DYTN: variants seen among roughly 807,000 people sequenced by gnomAD.
DYTN encodes the protein dystrotelin.
In DYTN, 75 loss-of-function variants were observed where a neutral mutation model predicts 69.6. The observed-to-expected ratio is 1.08, with a 90% CI of 0.89 to 1.31. The LOEUF (loss-of-function observed/expected upper bound fraction) is 1.31, where lower values mean the gene tolerates loss of function less well. Ranked by LOEUF, DYTN falls within the 50% of genes most tolerant of loss-of-function variation. The probability of loss-of-function intolerance (pLI) is 0.00; values close to 1 mark genes in which losing one functional copy is unlikely to be tolerated. For synonymous variants in DYTN, 252 were observed against 249.1 expected (o/e 1.01, Z -0.11); for missense variants, 726 against 688.4 (o/e 1.05, Z -0.61).
At chr2:206,711,899 G>A (rs941034511) in intron 1 of DYTN, among the ~76,000 whole-genome samples, 4 of 152,020 alleles carry the variant, frequency 2.6e-5, no homozygotes, top group African/African-American at 7.2e-5. Context: ...CTATAACAAC[G>A]TTACAACGGA....
chr2:206,670,670 T>G (rs565612219), intron 9 of DYTN: 1 of 152,348 alleles, frequency 6.6e-6, no homozygotes, highest in African/African-American at 2.4e-5. Context: ...ATTCAATCTA[T>G]TTCAAAAAGT....
chr2:206,682,004 C>A (rs569656825), intron 9 of DYTN, among the ~76,000 whole-genome samples: 14 of 152,092 alleles, frequency 9.2e-5, no homozygotes, highest in Non-Finnish European at 1.3e-4. Context: ...TCTGTCTGGT[C>A]CTGGACTTTT....
chr2:206,705,905 G>A, intron 3 of DYTN, 32 bp from the exon 4 acceptor site: 1 of 1,605,058 alleles, frequency 6.2e-7, no homozygotes, highest in Non-Finnish European at 8.5e-7. Context: ...AGACAAGAAT[G>A]GGAAGGCCAG....
In DYTN at chr2:206,699,865, TC is replaced by T; in HGVS notation, c.580del (p.Glu194LysfsTer51). 1 of 1,613,506 alleles carries T rather than the reference TC, an allele frequency of 6.2e-7. No homozygotes were observed. Among genetic ancestry groups the T allele is most frequent in the Non-Finnish European group, 8.5e-7 (1 of 1,179,718 alleles). ...QGVLSPAIKEEKFLSWVQSEP... is the reference protein window; with the variant it reads ...QGVLSPAIKEXKFLSWVQSEP... ...AGATTGGACCCAAGACAGGAATTTT[TC>T]TTCTTTGATTGCTGGGCTCAACACC... On this transcript the variant is annotated frameshift_variant, in exon 7 of 12. Transcript: ENST00000452335. LOFTEE classifies it high-confidence loss of function.
rs767636201 is a variant in DYTN, at chr2:206,710,671, C to A, written c.20-73G>T. Reference sequence around the variant, plus strand: ...TAAATCCCACATCATGGAAGGAAATCCTAGAGATCATGTAAGCTTACTTTA... The same window carrying A: ...TAAATCCCACATCATGGAAGGAAATACTAGAGATCATGTAAGCTTACTTTA... On this transcript the variant is annotated intron_variant, in intron 1 of 11. Coordinates refer to ENST00000452335, the MANE Select transcript of DYTN (RefSeq NM_001093730.1). 9 of 1,211,288 alleles carry A rather than the reference C, an allele frequency of 7.4e-6. No homozygotes were observed. The South Asian group carries it at 1.4e-4, about 18-fold the overall frequency. The allele number at this position is 1,211,288 out of a possible 1,614,324, so 75.0% of individuals were successfully genotyped here.
At chr2:206,680,613 T>C (rs1699741250) in intron 9 of DYTN, among the ~76,000 whole-genome samples, 1 of 152,186 alleles carries the variant, frequency 6.6e-6, no homozygotes, top group Non-Finnish European at 1.5e-5. Context: ...CTGCAGAATG[T>C]TCGTAATCCT....
rs111328460 is a variant in DYTN at position 206,699,929 on chromosome 2, C to T, written c.556-39G>A. On this transcript the variant is annotated intron_variant, in intron 6 of 11. Transcript: ENST00000452335. The stretch of plus-strand genomic sequence containing the variant: ...GCACTCTAAGATGTGTTTTTAGGCA[C>T]GACTTGATATTTTCATTTTCTTTTC... 4.8e-3 allele frequency: 7,640 copies of T among 1,588,720 alleles called. 23 individuals are homozygous for T. Among genetic ancestry groups the T allele is most frequent in the African/African-American group, 0.012 (857 of 74,102 alleles).
In DYTN at chr2:206,662,932, A is replaced by G. The variant is rs201792178; in HGVS notation, c.1604T>C (p.Met535Thr). ...EELQELLSKL[M>T]DAFNLETPSG... The stretch of plus-strand genomic sequence containing the variant: ...TGGCGTTTCTAGATTGAAGGCATCC[A>G]TAAGTTTTGACAATAGTTCTTGCAG... The change falls in exon 11 of 12, where the codon ATG becomes ACG. Residue 535 changes from methionine to threonine, a missense_variant. Coordinates refer to ENST00000452335, the MANE Select transcript of DYTN (RefSeq NM_001093730.1). The G allele has an allele frequency of 3.7e-3, 5,990 of 1,613,498 alleles. 15 individuals carry two copies. Among genetic ancestry groups the G allele is most frequent in the Non-Finnish European group, 4.7e-3 (5,588 of 1,179,804 alleles).
At chr2:206,696,688 A>G (rs1200494823) in intron 7 of DYTN, among the ~76,000 whole-genome samples, 1 of 152,200 alleles carries the variant, frequency 6.6e-6, no homozygotes, top group African/African-American at 2.4e-5. Context: ...TTTGAGTCCC[A>G]GGTTACTATC....
At chr2:206,705,178 C>T in intron 4 of DYTN, 1 of 500,234 alleles carries the variant, frequency 2.0e-6, no homozygotes, top group Non-Finnish European at 3.6e-6. Context: ...CTCACTGCAA[C>T]CTCCACCTCC....
rs772873357 is a variant in DYTN at position 206,665,827 on chromosome 2, C to T, written c.1140+43G>A. On this transcript the variant is annotated intron_variant, in intron 10 of 11. Coordinates refer to ENST00000452335, the MANE Select transcript of DYTN (RefSeq NM_001093730.1). ...CTTGGCTGAAGGACTCAAGGTTAGA[C>T]TTCCAGGCAGTCCAGATGGCCAGTG... 8.7e-6 allele frequency: 14 copies of T among 1,601,240 alleles called. No homozygotes were observed. The Admixed American group carries it at 1.4e-4, about 16-fold the overall frequency.
chr2:206,710,162 C>A (rs1264027808), intron 2 of DYTN, among the ~76,000 whole-genome samples: 1 of 152,094 alleles, frequency 6.6e-6, no homozygotes, highest in Non-Finnish European at 1.5e-5. Context: ...ATACTTAAAT[C>A]TATAAGTGCA....
intron 9 of DYTN, among the ~76,000 whole-genome samples, chr2:206,691,152 C>A (rs1054204896): frequency 6.6e-6 from 1 of 152,148 alleles, no homozygotes; most frequent in East Asian, 1.9e-4. Flanking sequence ...GTGGCTCACA[C>A]CTGTAATCCC....
At position 206,705,692 on chromosome 2, in the gene DYTN, C is replaced by CA. The variant is rs1700018121; in HGVS notation, c.382+95dup. On this transcript the variant is annotated intron_variant, in intron 4 of 11. Transcript: ENST00000452335. ...ATAAACACATAAGTCATGCTGAGTA[C>CA]ATGCTGAAGAGGCCTTGTGGCAGGG... 3 of 1,039,196 alleles carry CA rather than the reference C, an allele frequency of 2.9e-6. No individual in the cohort carries two copies. The South Asian group carries it at 4.4e-5, about 15-fold the overall frequency. 64.4% of individuals were successfully genotyped at this position (1,039,196 alleles called of 1,614,324 possible). A position where few individuals can be genotyped will look rare whatever the true frequency, so the allele number is the denominator to read the frequency against.
chr2:206,659,540 T>C (rs1484499418), intron 11 of DYTN, among the ~76,000 whole-genome samples: 1 of 150,476 alleles, frequency 6.6e-6, no homozygotes, highest in African/African-American at 2.4e-5. Flanking sequence ...TAGAAACTTC[T>C]TGCTATTATC....
intron 2 of DYTN, among the ~76,000 whole-genome samples, chr2:206,709,168 C>G (rs1392941263): frequency 1.3e-5 from 2 of 152,124 alleles, no homozygotes; most frequent in African/African-American, 4.8e-5. Context: ...CAGTATAAGG[C>G]CAGGCGCGGT....
Position 206,651,751 on chromosome 2 carries a change from C to T in DYTN, c.*67G>A. Reference sequence around the variant, plus strand: ...TAAAAGAAAGGTAGAAGTCTTAATTCTTTTAATACAGTTGTGCAACTGCAT... The same window carrying T: ...TAAAAGAAAGGTAGAAGTCTTAATTTTTTTAATACAGTTGTGCAACTGCAT... On this transcript the variant is annotated 3_prime_UTR_variant, in exon 12 of 12. Transcript: ENST00000452335. 1 of 1,414,254 alleles carries T rather than the reference C, an allele frequency of 7.1e-7. No individual in the cohort carries two copies. The highest frequency in any genetic ancestry group is 1.4e-5 in the African/African-American group (1 of 70,158). The allele number at this position is 1,414,254 out of a possible 1,614,324, so 87.6% of individuals were successfully genotyped here.
intron 9 of DYTN, among the ~76,000 whole-genome samples, chr2:206,666,641 T>A (rs1699575142): frequency 6.6e-6 from 1 of 152,246 alleles, no homozygotes; most frequent in Non-Finnish European, 1.5e-5. Flanking sequence ...ATATTGCAGT[T>A]CATGGATTGT....
Position 206,665,915 on chromosome 2 carries a change from C to T in DYTN, c.1095G>A (p.Gln365=), listed in dbSNP as rs773138965. 1.9e-6 allele frequency: 3 copies of T among 1,613,734 alleles called. No individual in the cohort carries two copies. The highest frequency in any genetic ancestry group is 2.7e-5 in the African/African-American group (2 of 74,886). The change falls in exon 10 of 12, where the codon CAG becomes CAA. Residue 365 remains glutamine (Q), a synonymous_variant. Coordinates refer to ENST00000452335, the MANE Select transcript of DYTN (RefSeq NM_001093730.1). The stretch of plus-strand genomic sequence containing the variant: ...GTTGTAGCTTGGTCCATAGACTATC[C>T]TGGTTGGTTTTGAGTTTGTGAATCC... ...ETRIHKLKTN[Q]DSLWTKLQQI...
Sources: allele counts gnomAD v4.1 joint callset (sites outside exome capture counted in the v4.1 genomes callset), GRCh38; gene constraint gnomAD v4.1.1; transcripts MANE v1.5; gene names NCBI Gene and HGNC (gene_info 2026-07-23, HGNC 2026-07-21).